Variants in PRKCE observed in about 807,000 individuals in gnomAD.
The protein encoded by PRKCE is protein kinase C epsilon type.
In PRKCE, 16 loss-of-function variants were observed where a neutral mutation model predicts 85.4. The ratio of observed to expected loss-of-function variants is 0.19; its 90% CI spans 0.13 to 0.28. The LOEUF (loss-of-function observed/expected upper bound fraction) is 0.28, where lower values mean the gene tolerates loss of function less well. PRKCE is among the 10% of genes least tolerant of loss of function. The pLI is 1.00. For missense variants in PRKCE, 573 were observed against 975.2 expected (o/e 0.59, Z 5.49); for synonymous variants, 388 against 371.5 (o/e 1.04, Z -0.51).
intron 1 of PRKCE, among the ~76,000 whole-genome samples, chr2:45,703,252 G>A (rs757969680): frequency 4.0e-5 from 6 of 151,882 alleles, no homozygotes; most frequent in Non-Finnish European, 8.8e-5. Context: ...AAAACTCCTT[G>A]GGCTGGGTGT....
chr2:46,149,927 A>T (rs1487997513), intron 12 of PRKCE, among the ~76,000 whole-genome samples: 3 of 150,968 alleles, frequency 2.0e-5, no homozygotes, highest in African/African-American at 7.3e-5. Context: ...CATGATTATG[A>T]CTCACTACAG....
intron 1 of PRKCE, among the ~76,000 whole-genome samples, chr2:45,709,773 C>T (rs1205997194): frequency 6.6e-6 from 1 of 151,998 alleles, no homozygotes; most frequent in Non-Finnish European, 1.5e-5. Flanking sequence ...ACATCTCCCA[C>T]TGGGAGAGAT....
intron 10 of PRKCE, among the ~76,000 whole-genome samples, chr2:46,074,629 G>A (rs1300762057): frequency 1.3e-5 from 2 of 152,228 alleles, no homozygotes; most frequent in Admixed American, 6.5e-5. Flanking sequence ...TGCTTTTTCT[G>A]TTGGTACAGG....
intron 1 of PRKCE, among the ~76,000 whole-genome samples, chr2:45,750,863 T>C (rs1573197795): frequency 6.6e-6 from 1 of 152,322 alleles, no homozygotes; most frequent in East Asian, 1.9e-4. Flanking sequence ...GGAGCAATCA[T>C]GGAGGCCCCT....
At chr2:45,948,418 T>A (rs1700384657) in intron 2 of PRKCE, among the ~76,000 whole-genome samples, 1 of 152,170 alleles carries the variant, frequency 6.6e-6, no homozygotes, top group African/African-American at 2.4e-5. Flanking sequence ...GGTGGGATGA[T>A]CGCTTGAGGG....
intron 2 of PRKCE, among the ~76,000 whole-genome samples, chr2:45,961,451 GC>G (rs1255075568): frequency 6.6e-6 from 1 of 152,148 alleles, no homozygotes; most frequent in African/African-American, 2.4e-5. Context: ...TAACCCCATA[GC>G]CTTTAGGGCT....
At chr2:45,732,799 C>A (rs563264232) in intron 1 of PRKCE, among the ~76,000 whole-genome samples, 8 of 152,272 alleles carry the variant, frequency 5.3e-5, no homozygotes, top group Non-Finnish European at 1.0e-4. Context: ...CACAGAACAA[C>A]AACAACAACA....
At position 46,004,576 on chromosome 2, in the gene PRKCE, C is replaced by T; in HGVS notation, c.1001C>T (p.Ser334Phe). ...GGTGCCGAGTCCCCGCAGCCTGCTT[C>T]TGGAAGCTCACCATCTGAGGAAGAT... ...IAGAESPQPASGSSPSEEDRS... is the reference protein window; with the variant it reads ...IAGAESPQPAFGSSPSEEDRS... Residue 334 changes from serine to phenylalanine, a missense_variant, in exon 8 of 15, where the codon TCT becomes TTT. Physicochemically the swap from Ser to Phe is radical, Grantham distance 155. Coordinates refer to ENST00000306156, the MANE Select transcript of PRKCE (RefSeq NM_005400.3). This position sits in a 1 kb window ranked among gnomAD's most constrained non-coding sequence, Gnocchi z 4.1. 6.3e-7 allele frequency: 1 copy of T among 1,591,458 alleles called. No homozygotes were observed. The highest frequency in any genetic ancestry group is 8.5e-7 in the Non-Finnish European group (1 of 1,176,176).
At chr2:45,790,069 T>C (rs1686919008) in intron 1 of PRKCE, among the ~76,000 whole-genome samples, 1 of 152,146 alleles carries the variant, frequency 6.6e-6, no homozygotes, top group Non-Finnish European at 1.5e-5. Flanking sequence ...CACAAGTGGT[T>C]TGTGGAAAGA....
intron 11 of PRKCE, among the ~76,000 whole-genome samples, chr2:46,130,980 G>A (rs1011039792): frequency 1.4e-4 from 21 of 152,172 alleles, no homozygotes; most frequent in African/African-American, 4.8e-4. Context: ...AGCAGAGATA[G>A]GTTATCCTTT....
intron 10 of PRKCE, among the ~76,000 whole-genome samples, chr2:46,047,874 T>C (rs1053642037): frequency 2.6e-5 from 4 of 152,252 alleles, no homozygotes; most frequent in African/African-American, 9.6e-5. Context: ...GGAAGTTTTC[T>C]GTCAAGTACC....
chr2:46,057,896 A>G (rs1666744409), intron 10 of PRKCE, among the ~76,000 whole-genome samples: 1 of 152,182 alleles, frequency 6.6e-6, no homozygotes, highest in African/African-American at 2.4e-5. Flanking sequence ...TATAAATACC[A>G]CTGTTAGGGC....
intron 1 of PRKCE, among the ~76,000 whole-genome samples, chr2:45,752,092 C>T (rs1683622928): frequency 6.6e-6 from 1 of 152,032 alleles, no homozygotes. Context: ...GCTGGGATTA[C>T]AGGCGTGAGC....
At chr2:45,817,152 GC>G (rs2105307778) in intron 1 of PRKCE, among the ~76,000 whole-genome samples, 1 of 150,686 alleles carries the variant, frequency 6.6e-6, no homozygotes, top group African/African-American at 2.4e-5. Context: ...CCTCTTTTGG[GC>G]AACGCTTTGC....
intron 1 of PRKCE, among the ~76,000 whole-genome samples, chr2:45,665,060 C>T (rs1044349588): frequency 6.6e-6 from 1 of 152,210 alleles, no homozygotes; most frequent in East Asian, 1.9e-4. Context: ...AGAGTTGAAG[C>T]ATAGCCAGCC....
intron 10 of PRKCE, among the ~76,000 whole-genome samples, chr2:46,031,591 CGTGT>C (rs58684318): frequency 0.18 from 26,150 of 143,864 alleles, 2,807 homozygotes; most frequent in Non-Finnish European, 0.23. Flanking sequence ...ACATTCTGCT[CGTGT>C]GTGTGTGTGT....
At chr2:46,059,519 A>G (rs1200939750) in intron 10 of PRKCE, among the ~76,000 whole-genome samples, 1 of 152,196 alleles carries the variant, frequency 6.6e-6, no homozygotes, top group African/African-American at 2.4e-5. Context: ...CTCTTTCCAG[A>G]ATCTTATTCA....
At chr2:45,961,052 C>T (rs1489909875) in intron 2 of PRKCE, among the ~76,000 whole-genome samples, 2 of 152,206 alleles carry the variant, frequency 1.3e-5, no homozygotes, top group South Asian at 2.1e-4. Flanking sequence ...AGGACTTTAG[C>T]GTCTCTGAAT....
chr2:46,063,489 G>T (rs938487089), intron 10 of PRKCE, among the ~76,000 whole-genome samples: 10 of 152,062 alleles, frequency 6.6e-5, no homozygotes, highest in Admixed American at 1.3e-4. Context: ...GGATTGTTCT[G>T]AACTTTTGAG....
Sources: allele counts gnomAD v4.1 joint callset (sites outside exome capture counted in the v4.1 genomes callset), GRCh38; gene constraint gnomAD v4.1.1; non-coding constraint Gnocchi (gnomAD v3.1); transcripts MANE v1.5; gene names NCBI Gene and HGNC (gene_info 2026-07-23, HGNC 2026-07-21).